FBXO15: variants seen among roughly 807,000 people sequenced by gnomAD.
The protein encoded by FBXO15 is F-box protein 15.
Under a neutral mutation model 49.5 loss-of-function variants are expected in FBXO15, and 30 were observed. That is an observed-to-expected ratio of 0.61 (90% CI 0.45 to 0.82). The LOEUF is 0.82. FBXO15 is among the 40% of genes least tolerant of loss of function. The probability of loss-of-function intolerance (pLI) is 0.00; values close to 1 mark genes in which losing one functional copy is unlikely to be tolerated. For missense variants in FBXO15, 591 were observed against 631.5 expected (o/e 0.94, Z 0.69); for synonymous variants, 250 against 232.7 (o/e 1.07, Z -0.68).
At chr18:74,091,058 T>C (rs1913002981) in intron 8 of FBXO15, among the ~76,000 whole-genome samples, 1 of 152,218 alleles carries the variant, frequency 6.6e-6, no homozygotes, top group East Asian at 1.9e-4. Flanking sequence ...GAACTTGCTA[T>C]ATAAATCTGG....
chr18:74,079,514 G>A (rs1274084194), intron 9 of FBXO15, among the ~76,000 whole-genome samples: 5 of 152,160 alleles, frequency 3.3e-5, no homozygotes, highest in African/African-American at 1.2e-4. Flanking sequence ...GTCAAGTGGT[G>A]AAGGTGGTAA....
chr18:74,080,145 C>G (rs992910917), intron 9 of FBXO15, among the ~76,000 whole-genome samples: 3 of 152,128 alleles, frequency 2.0e-5, no homozygotes, highest in African/African-American at 7.2e-5. Flanking sequence ...GTTTTTAACT[C>G]CTTCCAAGCA....
In FBXO15 at chr18:74,121,247, C is replaced by T. The variant is rs139167961; in HGVS notation, c.1138+2121G>A. On this transcript the variant is annotated intron_variant, in intron 8 of 9. Coordinates refer to ENST00000419743, the MANE Select transcript of FBXO15 (RefSeq NM_001142958.2). ...AAACAAGGAAGAAATACTACCAATT[C>T]TATGCAAAATCCTCCAAAAAATCCA... 2.2e-3 allele frequency among the ~76,000 whole-genome samples: 335 copies of T among 152,286 alleles called. 2 individuals carry two copies. The South Asian group carries it at 0.023, about 11-fold the overall frequency.
intron 8 of FBXO15, among the ~76,000 whole-genome samples, chr18:74,118,140 G>C (rs904898279): frequency 1.3e-5 from 2 of 151,752 alleles, no homozygotes; most frequent in African/African-American, 2.4e-5. Flanking sequence ...TGAGACTACA[G>C]GTGCATGTAA....
At chr18:74,080,114 T>C (rs9961787) in intron 9 of FBXO15, among the ~76,000 whole-genome samples, 34,143 of 152,110 alleles carry the variant, frequency 0.22, 5,046 homozygotes, top group African/African-American at 0.4. Context: ...TCTAAGCTTA[T>C]GTCCATGCTT....
intron 2 of FBXO15, among the ~76,000 whole-genome samples, chr18:74,138,175 G>A (rs1265548437): frequency 4.6e-5 from 7 of 151,976 alleles, no homozygotes; most frequent in African/African-American, 1.5e-4. Context: ...AGGCTCCCTC[G>A]CACTGCCAAG....
chr18:74,116,644 C>T (rs1914244953), intron 8 of FBXO15, among the ~76,000 whole-genome samples: 1 of 152,164 alleles, frequency 6.6e-6, no homozygotes, highest in South Asian at 2.1e-4. Flanking sequence ...CACCCCAGCT[C>T]CTCCTGGTGT....
chr18:74,118,355 C>T (rs1050031680), intron 8 of FBXO15, among the ~76,000 whole-genome samples: 5 of 146,976 alleles, frequency 3.4e-5, no homozygotes, highest in African/African-American at 5.2e-5. Flanking sequence ...CTTTGAGATT[C>T]AGAATGTTAA....
At chr18:74,125,240 C>T (rs773402228) in intron 6 of FBXO15, among the ~76,000 whole-genome samples, 5 of 152,242 alleles carry the variant, frequency 3.3e-5, no homozygotes, top group South Asian at 4.1e-4. Context: ...TGCGAGTCAC[C>T]GAATGCAGAG....
At chr18:74,146,699 C>G (rs1430657804) in intron 1 of FBXO15, among the ~76,000 whole-genome samples, 1 of 152,090 alleles carries the variant, frequency 6.6e-6, no homozygotes, top group African/African-American at 2.4e-5. Flanking sequence ...CACTAAGCAA[C>G]AGGGCTGGGC....
rs779153537 is a variant in FBXO15, at chr18:74,082,026, C to T, written c.1164G>A (p.Lys388=). 3 of 1,611,654 alleles carry T rather than the reference C, an allele frequency of 1.9e-6. No homozygotes were observed. The highest frequency in any genetic ancestry group is 2.5e-6 in the Non-Finnish European group (3 of 1,179,160). Residue 388 remains lysine (K), a synonymous_variant, in exon 9 of 10, where the codon AAG becomes AAA. Coordinates refer to ENST00000419743, the MANE Select transcript of FBXO15 (RefSeq NM_001142958.2). ...TATTTTTTAAATGTATAACAATGAG[C>T]TTCACATGTCCATTTTCAATATTTC... The part of the protein sequence containing the change: ...KRGNIENGHV[K]LIVIHLKNNR...
intron 1 of FBXO15, 24 bp downstream of exon 1, chr18:74,147,646 C>A: frequency 7.2e-7 from 1 of 1,389,558 alleles, no homozygotes; most frequent in South Asian, 1.6e-5. Context: ...GCCAGGGGAC[C>A]CCACCCGCAG....
intron 8 of FBXO15, among the ~76,000 whole-genome samples, chr18:74,109,324 A>C (rs1189180087): frequency 1.3e-5 from 2 of 152,202 alleles, no homozygotes; most frequent in Non-Finnish European, 2.9e-5. Flanking sequence ...AAAAGCCAGG[A>C]AACAACAGAT....
intron 9 of FBXO15, among the ~76,000 whole-genome samples, chr18:74,076,808 C>T (rs1170958830): frequency 6.6e-6 from 1 of 152,178 alleles, no homozygotes; most frequent in Non-Finnish European, 1.5e-5. Flanking sequence ...GCCCATCCCA[C>T]CTCATTGCAC....
At chr18:74,136,177 A>G (rs1000229859) in intron 2 of FBXO15, among the ~76,000 whole-genome samples, 3 of 151,990 alleles carry the variant, frequency 2.0e-5, no homozygotes, top group African/African-American at 7.3e-5. Context: ...GAAACTGTGT[A>G]TTTTTTTATT....
intron 5 of FBXO15, among the ~76,000 whole-genome samples, chr18:74,128,916 G>C (rs763269240): frequency 3.9e-5 from 6 of 152,108 alleles, no homozygotes. Context: ...CCAGTATAAC[G>C]ATCATTCCAT....
chr18:74,081,347 C>CA (rs1401487694), intron 9 of FBXO15, among the ~76,000 whole-genome samples: 6 of 152,180 alleles, frequency 3.9e-5, no homozygotes, highest in African/African-American at 1.4e-4. Context: ...CAGGAGCAGC[C>CA]ATGGGCACAA....
At position 74,147,711 on chromosome 18, in the gene FBXO15, G is replaced by T; in HGVS notation, c.75C>A (p.Gly25=). The T allele has an allele frequency of 6.6e-7, 1 of 1,526,614 alleles. No homozygotes were observed. The highest frequency in any genetic ancestry group is 1.2e-5 in the South Asian group (1 of 82,572). The allele number at this position is 1,526,614 out of a possible 1,614,324, so 94.6% of individuals were successfully genotyped here. The part of the protein sequence containing the change: ...GLQTLRGPSR[G]GGAARGRARA... The stretch of plus-strand genomic sequence containing the variant: ...TGGCGCGCCCCCGGGCCGCGCCACC[G>T]CCCCTGCTGGGCCCGCGCAGCGTCT... The change falls in exon 1 of 10, where the codon GGC becomes GGA. Residue 25 remains glycine, a synonymous_variant. Coordinates refer to ENST00000419743, the MANE Select transcript of FBXO15 (RefSeq NM_001142958.2).
intron 6 of FBXO15, among the ~76,000 whole-genome samples, 175 bp downstream of exon 6, chr18:74,125,800 G>A (rs1002387981): frequency 1.3e-5 from 2 of 152,102 alleles, no homozygotes; most frequent in African/African-American, 4.8e-5. Context: ...CAGCAGCCTC[G>A]GTGGAACAGA....
Sources: gnomAD v4.1 joint callset for allele counts (sites outside exome capture counted in the v4.1 genomes callset) on GRCh38, gnomAD v4.1.1 for gene constraint, MANE v1.5 for transcripts, NCBI Gene and HGNC (gene_info 2026-07-23, HGNC 2026-07-21) for gene names.